Variants in RAB3C observed in about 807,000 individuals in gnomAD.
The protein encoded by RAB3C is ras-related protein Rab-3C.
A neutral mutation model predicts 26.4 loss-of-function variants in RAB3C; 17 were observed. The observed-to-expected ratio is 0.64, with a 90% confidence interval of 0.44 to 0.97. RAB3C has a LOEUF of 0.97. Among genes scored for constraint, RAB3C ranks in the 50% least tolerant of loss-of-function variants. RAB3C has a pLI of 0.00. For missense variants in RAB3C, 242 were observed against 281.9 expected, an observed-to-expected ratio of 0.86 and a Z score of 1.01; for synonymous variants, 91 against 95.9, an observed-to-expected ratio of 0.95 and a Z score of 0.30.
chr5:58,680,517 CA>C (rs1748323815), intron 2 of RAB3C, among the ~76,000 whole-genome samples: 1 of 152,204 alleles, frequency 6.6e-6, no homozygotes, highest in Non-Finnish European at 1.5e-5. Context: ...CAAATCACCA[CA>C]AACTTATGGC....
At chr5:58,818,059 A>C (rs2112048768) in intron 3 of RAB3C, among the ~76,000 whole-genome samples, 1 of 152,330 alleles carries the variant, frequency 6.6e-6, no homozygotes, top group South Asian at 2.1e-4. Context: ...CTGATACCTC[A>C]TATTCCCACA....
chr5:58,797,861 T>G (rs1270219091), intron 3 of RAB3C, among the ~76,000 whole-genome samples: 1 of 152,212 alleles, frequency 6.6e-6, no homozygotes, highest in Admixed American at 6.5e-5. Flanking sequence ...TGTGCTCGAC[T>G]ACAACAACAT....
chr5:58,699,002 A>T (rs1236923803), intron 2 of RAB3C, among the ~76,000 whole-genome samples: 1 of 152,138 alleles, frequency 6.6e-6, no homozygotes, highest in Non-Finnish European at 1.5e-5. Flanking sequence ...GGAGGAGAAG[A>T]GGCGCTCCGA....
chr5:58,768,669 G>T (rs1741960104), intron 3 of RAB3C, among the ~76,000 whole-genome samples: 1 of 151,926 alleles, frequency 6.6e-6, no homozygotes, highest in African/African-American at 2.4e-5. Flanking sequence ...GAGATGGGAG[G>T]AGCATCTCAG....
At chr5:58,850,619 G>A (rs1744094806) in intron 4 of RAB3C, among the ~76,000 whole-genome samples, 1 of 152,156 alleles carries the variant, frequency 6.6e-6, no homozygotes, top group Admixed American at 6.5e-5. Context: ...CCCTTTTACA[G>A]CAGAATATGC....
rs1306382878 is a variant in RAB3C, at chr5:58,587,566, GT to G, written c.24+4339del. Among the ~76,000 whole-genome samples the G allele has an allele frequency of 4.6e-5, 7 of 152,096 alleles. No homozygotes were observed. In the South Asian group the frequency reaches 1.2e-3, roughly 27 times the overall value. ...GCATTTTTCGTTCATTAGTTTATAG[GT>G]TTTTAGATAATATTTATATACATTG... On this transcript the variant is annotated intron_variant, in intron 1 of 4. Coordinates refer to ENST00000282878, the MANE Select transcript of RAB3C (RefSeq NM_138453.4).
chr5:58,647,756 A>G (rs1183546942), intron 2 of RAB3C: 1 of 152,198 alleles, frequency 6.6e-6, no homozygotes, highest in Non-Finnish European at 1.5e-5. Flanking sequence ...GTTGAAGTTA[A>G]CAATAATCCT....
intron 2 of RAB3C, among the ~76,000 whole-genome samples, chr5:58,708,464 G>A (rs1467732296): frequency 6.6e-6 from 1 of 152,164 alleles, no homozygotes; most frequent in East Asian, 1.9e-4. Context: ...TATTAGCACG[G>A]CATGATCATC....
intron 2 of RAB3C, among the ~76,000 whole-genome samples, chr5:58,639,279 A>G (rs1164537116): frequency 6.6e-6 from 1 of 152,230 alleles, no homozygotes; most frequent in Non-Finnish European, 1.5e-5. Flanking sequence ...TTATGAAGGT[A>G]TGCATGATAT....
rs546390298 is a variant in RAB3C, at chr5:58,725,988, T to G, written c.253-14T>G. The G allele has an allele frequency of 6.2e-6, 9 of 1,446,522 alleles. No individual in the cohort carries two copies. In the East Asian group the frequency reaches 1.9e-4, roughly 30 times the overall value. The allele number at this position is 1,446,522 out of a possible 1,614,324, so 89.6% of individuals were successfully genotyped here. A position where few individuals can be genotyped will look rare whatever the true frequency, so the allele number is the denominator to read the frequency against. ...TTATTTCTGAGAGATTATCATTTTT[T>G]TTTTATTCTTTAGGACACAGCAGGC... On this transcript the variant is annotated splice_polypyrimidine_tract_variant and intron_variant, in intron 2 of 4. Transcript: ENST00000282878.
chr5:58,710,943 G>A, intron 2 of RAB3C, among the ~76,000 whole-genome samples: 1 of 152,150 alleles, frequency 6.6e-6, no homozygotes, highest in Admixed American at 6.5e-5. Flanking sequence ...AATGTGAGAT[G>A]CGGGAATCTG....
intron 1 of RAB3C, among the ~76,000 whole-genome samples, chr5:58,605,245 C>T (rs779134851): frequency 2.8e-4 from 42 of 152,156 alleles, no homozygotes; most frequent in Non-Finnish European, 8.8e-5. Flanking sequence ...TTTTTTCTTG[C>T]GGTCAATCTG....
chr5:58,741,920 G>T (rs1328762113), intron 3 of RAB3C: 3 of 151,774 alleles, frequency 2.0e-5, no homozygotes, highest in South Asian at 2.1e-4. Flanking sequence ...CAGAAGAATT[G>T]CTTGAACTGG....
chr5:58,596,615 T>G (rs1746265321), intron 1 of RAB3C, among the ~76,000 whole-genome samples: 1 of 115,388 alleles, frequency 8.7e-6, no homozygotes, highest in South Asian at 2.3e-4. Context: ...TATAAATATA[T>G]AATATATAAT....
rs1168982306 is a variant in RAB3C, at chr5:58,596,652, A to T, written c.24+13420A>T. Among the ~76,000 whole-genome samples the T allele has an allele frequency of 6.8e-5, 5 of 73,378 alleles. No individual in the cohort carries two copies. In the South Asian group the frequency reaches 1.6e-3, roughly 23 times the overall value. The allele number at this position is 73,378 out of a possible 152,430, so 48.1% of individuals were successfully genotyped here. ...CATAATATATAAATATATAATATAT[A>T]ATACATAATATATTATATATAAATA... is the stretch of plus-strand genomic sequence containing the variant. On this transcript the variant is annotated intron_variant, in intron 1 of 4. Transcript: ENST00000282878.
intron 3 of RAB3C, among the ~76,000 whole-genome samples, chr5:58,797,396 T>TATATATATATAC (rs1561133620): frequency 2.7e-4 from 31 of 116,800 alleles, no homozygotes; most frequent in African/African-American, 9.6e-4. Context: ...TATATATATA[T>TATATATATATAC]ACACAGAGAG....
chr5:58,605,345 C>T (rs2111694606), intron 1 of RAB3C, among the ~76,000 whole-genome samples: 1 of 152,294 alleles, frequency 6.6e-6, no homozygotes, highest in East Asian at 1.9e-4. Context: ...TATCTCTCCT[C>T]TCAGATTCCC....
chr5:58,820,754 G>C (rs546180511), intron 3 of RAB3C, among the ~76,000 whole-genome samples: 1 of 152,182 alleles, frequency 6.6e-6, no homozygotes, highest in Non-Finnish European at 1.5e-5. Context: ...TCTTATATAA[G>C]AGCAAATGAA....
intron 1 of RAB3C, among the ~76,000 whole-genome samples, chr5:58,616,565 A>G (rs984205735): frequency 1.3e-5 from 2 of 152,202 alleles, no homozygotes; most frequent in African/African-American, 4.8e-5. Flanking sequence ...GCCAATATCC[A>G]CCTAAAGCAT....
Sources: gnomAD v4.1 joint callset for allele counts (sites outside exome capture counted in the v4.1 genomes callset) on GRCh38, gnomAD v4.1.1 for gene constraint, MANE v1.5 for transcripts, NCBI Gene and HGNC (gene_info 2026-07-23, HGNC 2026-07-21) for gene names.